PPP1R9A: variants seen among roughly 807,000 people sequenced by gnomAD.
The protein encoded by PPP1R9A is neurabin-1.
Under a neutral mutation model 141.9 loss-of-function variants are expected in PPP1R9A, and 59 were observed. That is an observed-to-expected ratio of 0.42 (90% CI 0.34 to 0.52). The LOEUF (loss-of-function observed/expected upper bound fraction) is 0.52, where lower values mean the gene tolerates loss of function less well. PPP1R9A is among the 20% of genes least tolerant of loss of function. The pLI is 0.10. For synonymous variants in PPP1R9A, 500 were observed against 569.7 expected (o/e 0.88, Z 1.74); for missense variants, 1,444 against 1,611.9 (o/e 0.90, Z 1.78).
chr7:95,219,456 C>T (rs1794071366), intron 7 of PPP1R9A, among the ~76,000 whole-genome samples: 1 of 152,102 alleles, frequency 6.6e-6, no homozygotes, highest in Admixed American at 6.6e-5. Context: ...CTTGGAGTTG[C>T]TCTTCTCAAG....
chr7:95,132,681 C>T (rs1188793639), intron 4 of PPP1R9A, among the ~76,000 whole-genome samples: 1 of 152,080 alleles, frequency 6.6e-6, no homozygotes, highest in Non-Finnish European at 1.5e-5. Flanking sequence ...TCACTGGGTT[C>T]ACGCTGCTCA....
At chr7:95,271,105 C>T (rs1484888468) in intron 14 of PPP1R9A, among the ~76,000 whole-genome samples, 1 of 152,108 alleles carries the variant, frequency 6.6e-6, no homozygotes, top group Admixed American at 6.6e-5. Flanking sequence ...AGGCACATAT[C>T]ATATGATTTA....
intron 12 of PPP1R9A, among the ~76,000 whole-genome samples, chr7:95,256,660 C>T (rs897803655): frequency 6.6e-6 from 1 of 151,844 alleles, no homozygotes; most frequent in Non-Finnish European, 1.5e-5. Context: ...CAAAAGAAAT[C>T]AAAAATTTAA....
intron 2 of PPP1R9A, among the ~76,000 whole-genome samples, chr7:95,029,963 G>A (rs1178542649): frequency 2.6e-5 from 4 of 152,170 alleles, no homozygotes; most frequent in Admixed American, 6.5e-5. Context: ...GCTGTTGCAG[G>A]TACTAGGGCT....
intron 16 of PPP1R9A, among the ~76,000 whole-genome samples, chr7:95,278,705 G>A (rs1376312219): frequency 6.6e-6 from 1 of 152,142 alleles, no homozygotes; most frequent in African/African-American, 2.4e-5. Context: ...GGAAAAGTTA[G>A]ATTAAAAAGT....
intron 2 of PPP1R9A, among the ~76,000 whole-genome samples, chr7:95,101,142 G>A (rs923359278): frequency 6.6e-6 from 1 of 152,050 alleles, no homozygotes; most frequent in Non-Finnish European, 1.5e-5. Flanking sequence ...GTGAGCCACC[G>A]CGCCCGGCCT....
At chr7:95,095,005 A>G (rs1189424082) in intron 2 of PPP1R9A, among the ~76,000 whole-genome samples, 1 of 151,946 alleles carries the variant, frequency 6.6e-6, no homozygotes, top group African/African-American at 2.4e-5. Context: ...CCTGTGGCCA[A>G]AAGGATCCTG....
intron 12 of PPP1R9A, among the ~76,000 whole-genome samples, 176 bp downstream of exon 12, chr7:95,252,306 A>G (rs879153439): frequency 6.6e-6 from 1 of 152,142 alleles, no homozygotes; most frequent in Admixed American, 6.6e-5. Context: ...TCAAAAATAA[A>G]TACTTTAATA....
intron 2 of PPP1R9A, among the ~76,000 whole-genome samples, chr7:94,973,696 G>A (rs1799114507): frequency 6.6e-6 from 1 of 150,898 alleles, no homozygotes; most frequent in African/African-American, 2.4e-5. Context: ...TGGTGTTTTA[G>A]AAATTTTATT....
intron 2 of PPP1R9A, among the ~76,000 whole-genome samples, chr7:95,070,610 TACACACAC>T (rs1425064497): frequency 3.2e-5 from 3 of 94,102 alleles, no homozygotes; most frequent in Non-Finnish European, 5.8e-5. Context: ...TATATATATA[TACACACAC>T]ACACACATAT....
chr7:95,039,389 T>C (rs1417799884), intron 2 of PPP1R9A, among the ~76,000 whole-genome samples: 1 of 151,718 alleles, frequency 6.6e-6, no homozygotes, highest in African/African-American at 2.4e-5. Context: ...GCCAACATGG[T>C]GAAACCCCGT....
At position 95,274,169 on chromosome 7, in the gene PPP1R9A, G is replaced by C. The variant is rs565450770; in HGVS notation, c.3296+1G>C. The stretch of plus-strand genomic sequence containing the variant: ...CCAGTAGGTTTTCTGCAGGTAGCAG[G>C]TACGGTTGTGTGATTAAGAACACGT... On this transcript the variant is annotated splice_donor_variant, in intron 16 of 19. Coordinates refer to ENST00000433360, the MANE Select transcript of PPP1R9A (RefSeq NM_001166160.2). LOFTEE classifies it high-confidence loss of function. 1 of 1,551,678 alleles carries C rather than the reference G, an allele frequency of 6.4e-7. No individual in the cohort carries two copies. The highest frequency in any genetic ancestry group is 1.4e-5 in the African/African-American group (1 of 73,908).
At chr7:94,909,228 C>T (rs185403293) in intron 1 of PPP1R9A, among the ~76,000 whole-genome samples, 151 of 152,320 alleles carry the variant, frequency 9.9e-4, no homozygotes, top group Admixed American at 1.9e-3. Context: ...CTGCATCCCA[C>T]TCCATAATTA....
At chr7:94,972,199 TG>T (rs761115507) in intron 2 of PPP1R9A, among the ~76,000 whole-genome samples, 19 of 152,222 alleles carry the variant, frequency 1.2e-4, no homozygotes, top group South Asian at 4.1e-4. Context: ...TACTTATTAC[TG>T]GTCTTTTGTA....
intron 2 of PPP1R9A, among the ~76,000 whole-genome samples, chr7:94,920,717 T>C (rs1049755805): frequency 1.3e-5 from 2 of 152,192 alleles, no homozygotes; most frequent in South Asian, 2.1e-4. Context: ...GATTCGGACA[T>C]AGAGTGGTTG....
intron 2 of PPP1R9A, among the ~76,000 whole-genome samples, chr7:95,106,856 A>G (rs1199661152): frequency 1.3e-5 from 2 of 151,822 alleles, no homozygotes; most frequent in South Asian, 2.1e-4. Context: ...CTTGAGTGCA[A>G]TGGCATGATT....
At chr7:94,983,613 A>G (rs1800410133) in intron 2 of PPP1R9A, among the ~76,000 whole-genome samples, 1 of 152,116 alleles carries the variant, frequency 6.6e-6, no homozygotes, top group African/African-American at 2.4e-5. Flanking sequence ...GGGTACACTC[A>G]TGATTTGGCT....
intron 8 of PPP1R9A, among the ~76,000 whole-genome samples, chr7:95,230,637 C>G (rs1403059755): frequency 6.6e-6 from 1 of 151,972 alleles, no homozygotes; most frequent in Non-Finnish European, 1.5e-5. Context: ...AGTAAAGCCT[C>G]CAAGAAGTTT....
intron 3 of PPP1R9A, among the ~76,000 whole-genome samples, chr7:95,119,582 C>T (rs979416912): frequency 6.6e-6 from 1 of 152,046 alleles, no homozygotes; most frequent in Non-Finnish European, 1.5e-5. Flanking sequence ...AGCCCCCAAA[C>T]AGCTGGGACT....
Sources: gnomAD v4.1 joint callset for allele counts (sites outside exome capture counted in the v4.1 genomes callset) on GRCh38, gnomAD v4.1.1 for gene constraint, MANE v1.5 for transcripts, NCBI Gene and HGNC (gene_info 2026-07-23, HGNC 2026-07-21) for gene names.